Variants in WWOX observed in about 807,000 individuals in gnomAD.
The protein encoded by WWOX is WW domain containing oxidoreductase.
Under a neutral mutation model 46.2 loss-of-function variants are expected in WWOX, and 69 were observed. The ratio of observed to expected loss-of-function variants is 1.49; its 90% CI spans 1.23 to 1.82. WWOX has a LOEUF of 1.82. WWOX is among the 40% of genes most tolerant of loss of function. WWOX has a pLI of 0.00. For synonymous variants in WWOX, 359 were observed against 202.6 expected (o/e 1.77, Z -6.56); for missense variants, 919 against 542.6 (o/e 1.69, Z -6.89).
At chr16:78,211,004 C>T (rs2036543093) in intron 5 of WWOX, among the ~76,000 whole-genome samples, 1 of 152,182 alleles carries the variant, frequency 6.6e-6, no homozygotes, top group African/African-American at 2.4e-5. Context: ...TTATTTCATT[C>T]TCTTCACTGA....
chr16:78,482,657 C>T (rs1230495581), intron 8 of WWOX, among the ~76,000 whole-genome samples: 1 of 152,116 alleles, frequency 6.6e-6, no homozygotes, highest in Admixed American at 6.5e-5. Context: ...TCCTGATTTC[C>T]CAGGCAGAGA....
At chr16:78,181,403 A>G (rs1355765862) in intron 5 of WWOX, among the ~76,000 whole-genome samples, 2 of 152,208 alleles carry the variant, frequency 1.3e-5, no homozygotes, top group East Asian at 1.9e-4. Context: ...ATTGTCTAAC[A>G]TAAATCTCTT....
intron 4 of WWOX, among the ~76,000 whole-genome samples, chr16:78,142,513 C>T (rs537595700): frequency 6.2e-4 from 95 of 152,318 alleles, no homozygotes; most frequent in African/African-American, 2.2e-3. Flanking sequence ...TTTGTGGTAT[C>T]TTAGTGGTCA....
chr16:78,391,387 A>G (rs978495718), intron 6 of WWOX, among the ~76,000 whole-genome samples: 3 of 152,242 alleles, frequency 2.0e-5, no homozygotes, highest in Admixed American at 6.5e-5. Flanking sequence ...GCAAATTACA[A>G]GGTTGCAGTG....
At chr16:79,052,618 A>G (rs1241848255) in intron 8 of WWOX, among the ~76,000 whole-genome samples, 2 of 152,214 alleles carry the variant, frequency 1.3e-5, no homozygotes, top group Admixed American at 6.5e-5. Context: ...AGTCGGAACA[A>G]ATACAGAATG....
intron 8 of WWOX, among the ~76,000 whole-genome samples, chr16:78,662,239 C>A (rs944689322): frequency 3.3e-5 from 5 of 152,122 alleles, no homozygotes; most frequent in Non-Finnish European, 7.3e-5. Context: ...GATCTTAGAA[C>A]CTCCTGCTAT....
chr16:78,809,117 C>G (rs929571177), intron 8 of WWOX, among the ~76,000 whole-genome samples: 6 of 152,028 alleles, frequency 3.9e-5, no homozygotes, highest in Admixed American at 6.6e-5. Flanking sequence ...TGGGCTGTTT[C>G]TGTCTGTTCT....
chr16:78,507,603 A>G (rs1465808353), intron 8 of WWOX, among the ~76,000 whole-genome samples: 2 of 152,144 alleles, frequency 1.3e-5, no homozygotes, highest in Non-Finnish European at 2.9e-5. Flanking sequence ...TCAGTGTCAC[A>G]CACATATCAC....
Position 78,535,898 on chromosome 16 carries a change from A to T in WWOX, c.1056+103146A>T, listed in dbSNP as rs574903361. Among the ~76,000 whole-genome samples the T allele has an allele frequency of 9.9e-5, 15 of 152,140 alleles. No individual in the cohort carries two copies. In the East Asian group the frequency reaches 2.9e-3, roughly 29 times the overall value. On this transcript the variant is annotated intron_variant, in intron 8 of 8. Transcript: ENST00000566780. ...CTTGGACTCATTTTCCTCGGTGGTGAAGTGGGGATAATTTATTGACAGTGG... is the reference window on the plus strand; with the variant it reads ...CTTGGACTCATTTTCCTCGGTGGTGTAGTGGGGATAATTTATTGACAGTGG...
intron 5 of WWOX, among the ~76,000 whole-genome samples, chr16:78,277,393 G>A (rs972235385): frequency 6.6e-5 from 10 of 152,166 alleles, no homozygotes; most frequent in African/African-American, 2.2e-4. Flanking sequence ...GAGGGAAGTT[G>A]CAGTTTTCTC....
chr16:78,375,936 C>T (rs1018086874), intron 5 of WWOX, among the ~76,000 whole-genome samples: 30 of 151,216 alleles, frequency 2.0e-4, no homozygotes, highest in African/African-American at 3.9e-4. Context: ...ACTGCAACTC[C>T]GCATCCTGGT....
intron 8 of WWOX, among the ~76,000 whole-genome samples, chr16:79,162,265 G>C (rs977797560): frequency 3.3e-5 from 5 of 152,314 alleles, no homozygotes; most frequent in Admixed American, 2.0e-4. Context: ...ACGGAAGTCT[G>C]CCTCTGTGAC....
At chr16:78,824,394 C>T (rs907576974) in intron 8 of WWOX, among the ~76,000 whole-genome samples, 2 of 152,148 alleles carry the variant, frequency 1.3e-5, no homozygotes, top group South Asian at 2.1e-4. Context: ...CTCTGTTTTC[C>T]TCATTCATTC....
chr16:78,782,082 A>G (rs1268163911), intron 8 of WWOX, among the ~76,000 whole-genome samples: 4 of 152,110 alleles, frequency 2.6e-5, no homozygotes, highest in African/African-American at 7.2e-5. Context: ...GCGGGGAGAA[A>G]TAGATGAAGC....
intron 8 of WWOX, among the ~76,000 whole-genome samples, chr16:79,093,754 C>T (rs1330810172): frequency 1.3e-5 from 2 of 152,182 alleles, no homozygotes; most frequent in Non-Finnish European, 2.9e-5. Flanking sequence ...AAACTTGTTC[C>T]TCTTCTCCAA....
At chr16:79,074,978 C>A (rs760373734) in intron 8 of WWOX, among the ~76,000 whole-genome samples, 1 of 152,188 alleles carries the variant, frequency 6.6e-6, no homozygotes, top group Non-Finnish European at 1.5e-5. Flanking sequence ...TCAGCTCTCT[C>A]AACTTCTACA....
chr16:78,156,047 G>C (rs1567603337), intron 4 of WWOX, among the ~76,000 whole-genome samples: 1 of 152,188 alleles, frequency 6.6e-6, no homozygotes, highest in Non-Finnish European at 1.5e-5. Flanking sequence ...GTCTATTGCA[G>C]CTTTTAAAAG....
rs113977470 is a variant in WWOX at position 78,556,055 on chromosome 16, T to G, written c.1056+123303T>G. On this transcript the variant is annotated intron_variant, in intron 8 of 8. Coordinates refer to ENST00000566780, the MANE Select transcript of WWOX (RefSeq NM_016373.4). The stretch of plus-strand genomic sequence containing the variant: ...CCAGCCAGGCCCGGGCTATTAATCA[T>G]CGCCCTCCATTATTTCCTGAAGATT... Among the ~76,000 whole-genome samples, 365 of 152,146 alleles carry G rather than the reference T, an allele frequency of 2.4e-3. 1 individual carries two copies. Among genetic ancestry groups the G allele is most frequent in the African/African-American group, 8.5e-3 (351 of 41,518 alleles).
At chr16:79,085,924 T>TGCCTGTAGTCCCAGCTACTC (rs2048846158) in intron 8 of WWOX, among the ~76,000 whole-genome samples, 1 of 152,068 alleles carries the variant, frequency 6.6e-6, no homozygotes, top group Non-Finnish European at 1.5e-5. Context: ...TGGTGGTACA[T>TGCCTGTAGTCCCAGCTACTC]GCCTGTAGTC....
Sources: gnomAD v4.1 joint callset for allele counts (sites outside exome capture counted in the v4.1 genomes callset) on GRCh38, gnomAD v4.1.1 for gene constraint, MANE v1.5 for transcripts, NCBI Gene and HGNC (gene_info 2026-07-23, HGNC 2026-07-21) for gene names.